ARB2A: variants seen among roughly 807,000 people sequenced by gnomAD.
ARB2A encodes cotranscriptional regulator ARB2A.
chr5:93,731,413 C>A, the ARB2A span, among the ~76,000 whole-genome samples: 164 of 152,264 alleles, frequency 1.1e-3, 1 homozygote, highest in African/African-American at 3.9e-3. Flanking sequence ...CCCTCAAAAC[C>A]CTCACAAGGA....
the ARB2A span, among the ~76,000 whole-genome samples, chr5:93,713,958 A>T: frequency 6.6e-6 from 1 of 152,188 alleles, no homozygotes; most frequent in Non-Finnish European, 1.5e-5. Context: ...AGTGATCCTC[A>T]GCCCTCAGGG....
At chr5:93,765,001 A>T in the ARB2A span, among the ~76,000 whole-genome samples, 2 of 152,216 alleles carry the variant, frequency 1.3e-5, no homozygotes, top group African/African-American at 4.8e-5. Flanking sequence ...ACAACCCTTC[A>T]TGCTAAAAAC....
At chr5:94,043,211 C>T in the ARB2A span, among the ~76,000 whole-genome samples, 1 of 152,014 alleles carries the variant, frequency 6.6e-6, no homozygotes, top group African/African-American at 2.4e-5. Flanking sequence ...TCAAGCAGAA[C>T]TAAGGATTTA....
chr5:93,914,256 T>C, the ARB2A span, among the ~76,000 whole-genome samples: 7 of 152,098 alleles, frequency 4.6e-5, no homozygotes, highest in East Asian at 1.9e-4. Context: ...GAGTACTCCA[T>C]ATGAAAATAA....
the ARB2A span, among the ~76,000 whole-genome samples, chr5:93,997,878 T>G: frequency 1.3e-5 from 2 of 151,876 alleles, no homozygotes; most frequent in Non-Finnish European, 2.9e-5. Flanking sequence ...TTTGAATAAA[T>G]TAACTTCCAG....
chr5:93,775,328 G>T, the ARB2A span, among the ~76,000 whole-genome samples: 1 of 152,158 alleles, frequency 6.6e-6, no homozygotes, highest in Non-Finnish European at 1.5e-5. Flanking sequence ...AAAGTAGTTT[G>T]TGTTCCAAAC....
chr5:93,635,642 G>C, the ARB2A span, among the ~76,000 whole-genome samples: 1 of 151,912 alleles, frequency 6.6e-6, no homozygotes, highest in Non-Finnish European at 1.5e-5. Flanking sequence ...GTTTCACCAT[G>C]TTAGCCAGGC....
the ARB2A span, chr5:93,776,118 G>C: frequency 1.3e-6 from 2 of 1,492,664 alleles, no homozygotes; most frequent in Non-Finnish European, 1.8e-6. Flanking sequence ...TTTTCACCCT[G>C]AAAAACAACA....
chr5:93,985,995 C>A, the ARB2A span, among the ~76,000 whole-genome samples: 1 of 150,904 alleles, frequency 6.6e-6, no homozygotes, highest in African/African-American at 2.4e-5. Flanking sequence ...TCTGCCTGGC[C>A]GCCTATCGTC....
At chr5:93,992,898 C>T in the ARB2A span, among the ~76,000 whole-genome samples, 167 of 152,042 alleles carry the variant, frequency 1.1e-3, no homozygotes, top group African/African-American at 3.9e-3. Context: ...ATTACTAATA[C>T]AATTCAAGAC....
At chr5:93,960,084 C>G in the ARB2A span, among the ~76,000 whole-genome samples, 6,247 of 23,688 alleles carry the variant, frequency 0.26, 693 homozygotes, top group East Asian at 0.53. Context: ...TCTAGATGCC[C>G]CCCCCCCCCC....
the ARB2A span, among the ~76,000 whole-genome samples, chr5:93,787,783 CCA>C: frequency 6.6e-6 from 1 of 152,154 alleles, no homozygotes; most frequent in East Asian, 1.9e-4. Context: ...GTAAAAAGAT[CCA>C]GATCAGTAAG....
chr5:94,102,989 G>T, the ARB2A span, among the ~76,000 whole-genome samples: 1 of 152,010 alleles, frequency 6.6e-6, no homozygotes, highest in African/African-American at 2.4e-5. Context: ...ACTACCACCA[G>T]ACCTGCCTTA....
At chr5:93,951,629 C>CTTA in the ARB2A span, among the ~76,000 whole-genome samples, 5 of 152,148 alleles carry the variant, frequency 3.3e-5, no homozygotes, top group Admixed American at 6.6e-5. Context: ...AATAAGTTCA[C>CTTA]TGTAGATGTA....
chr5:93,681,142 C>T, the ARB2A span, among the ~76,000 whole-genome samples: 1 of 151,992 alleles, frequency 6.6e-6, no homozygotes, highest in Non-Finnish European at 1.5e-5. Flanking sequence ...AAAAATCCCC[C>T]AAATAGGTGC....
the ARB2A span, among the ~76,000 whole-genome samples, chr5:93,770,684 G>C: frequency 2.0e-5 from 3 of 152,122 alleles, no homozygotes; most frequent in Non-Finnish European, 4.4e-5. Flanking sequence ...GCCAAATCAT[G>C]AGTGAACTCC....
chr5:93,750,560 T>G, the ARB2A span, among the ~76,000 whole-genome samples: 1 of 152,192 alleles, frequency 6.6e-6, no homozygotes, highest in South Asian at 2.1e-4. Context: ...CTCATTCTGT[T>G]GCCCAGATTG....
chr5:94,091,776 G>A, the ARB2A span, among the ~76,000 whole-genome samples: 3 of 151,874 alleles, frequency 2.0e-5, no homozygotes, highest in Admixed American at 1.3e-4. Flanking sequence ...TTAGTTTGGG[G>A]GTCTCCAATT....
chr5:94,065,252 G>A, the ARB2A span, among the ~76,000 whole-genome samples: 5 of 152,168 alleles, frequency 3.3e-5, no homozygotes, highest in African/African-American at 7.2e-5. Context: ...AGTGGCTCAC[G>A]CCTGTAATCT....
Sources: gnomAD v4.1 joint callset for allele counts (sites outside exome capture counted in the v4.1 genomes callset) on GRCh38, gnomAD v4.1.1 for gene constraint, MANE v1.5 for transcripts, NCBI Gene and HGNC (gene_info 2026-07-23, HGNC 2026-07-21) for gene names.